The following ERGIC3 variants were observed in gnomAD, a reference collection of about 807,000 sequenced individuals.
ERGIC3 encodes ERGIC and golgi 3.
ERGIC3 carries 33 observed loss-of-function variants against 54.7 expected under a neutral mutation model. The observed-to-expected ratio is 0.60, with a 90% CI of 0.46 to 0.81. The LOEUF is 0.81. Among genes scored for constraint, ERGIC3 ranks in the 30% least tolerant of loss-of-function variants. The pLI is 0.00. For missense variants in ERGIC3, 399 were observed against 488.4 expected (o/e 0.82, Z 1.73); for synonymous variants, 186 against 189.8 (o/e 0.98, Z 0.16).
chr20:35,542,217 G>T, intron 1 of ERGIC3, 32 bp downstream of exon 1: 1 of 1,589,832 alleles, frequency 6.3e-7, no homozygotes, highest in Non-Finnish European at 8.6e-7. Context: ...GTCGCGTGGA[G>T]GGGGGCGTCC....
intron 7 of ERGIC3, among the ~76,000 whole-genome samples, chr20:35,553,020 A>AGTTTTTTTTTTTTT (rs2064689668): frequency 7.2e-5 from 3 of 41,552 alleles, no homozygotes; most frequent in Non-Finnish European, 8.7e-5. Context: ...AAAGCTGGGG[A>AGTTTTTTTTTTTTT]TTTTTTTTTT....
intron 7 of ERGIC3, among the ~76,000 whole-genome samples, chr20:35,551,281 G>A (rs2064680459): frequency 6.6e-6 from 1 of 151,128 alleles, no homozygotes; most frequent in Non-Finnish European, 1.5e-5. Context: ...GCGACAGAGT[G>A]AGATTCCATC....
At chr20:35,555,096 A>C in intron 8 of ERGIC3, 21 bp downstream of exon 8, 1 of 664,816 alleles carries the variant, frequency 1.5e-6, no homozygotes. Flanking sequence ...GATGGAAACC[A>C]TGGAGGGCAG....
chr20:35,547,536 C>T, intron 5 of ERGIC3, 31 bp downstream of exon 5: 1 of 1,588,216 alleles, frequency 6.3e-7, no homozygotes, highest in Non-Finnish European at 8.6e-7. Context: ...AGCAGGGTTC[C>T]CATCAGGCGC....
At chr20:35,554,275 T>TCA (rs758373919) in intron 7 of ERGIC3, 35 of 1,488,416 alleles carry the variant, frequency 2.4e-5, no homozygotes, top group Non-Finnish European at 3.0e-5. Context: ...TGAGGCTGAA[T>TCA]GTTCCAGTCT....
intron 4 of ERGIC3, chr20:35,544,834 GCT>G (rs2064639416): frequency 2.2e-5 from 1 of 44,490 alleles, no homozygotes; most frequent in Non-Finnish European, 3.8e-5. Context: ...TTTGAGTCAC[GCT>G]CTGTCACCCA....
At chr20:35,547,655 C>T (rs1601362444) in intron 5 of ERGIC3, 150 bp downstream of exon 5, 8 of 671,638 alleles carry the variant, frequency 1.2e-5, no homozygotes, top group South Asian at 5.3e-5. Context: ...CTGGTGCAAG[C>T]GACTGAGGCT....
intron 10 of ERGIC3, 180 bp from the exon 11 acceptor site, chr20:35,556,793 A>G: frequency 2.5e-6 from 2 of 786,218 alleles, no homozygotes; most frequent in Non-Finnish European, 4.1e-6. Flanking sequence ...GCTGAGGCCA[A>G]GACTAGGAGA....
chr20:35,543,098 C>G, intron 4 of ERGIC3, 157 bp downstream of exon 4: 1 of 1,007,940 alleles, frequency 9.9e-7, no homozygotes, highest in Non-Finnish European at 1.5e-6. Context: ...TAGTAAGAGT[C>G]AGAGTGAGCT....
intron 7 of ERGIC3, among the ~76,000 whole-genome samples, chr20:35,552,468 A>G (rs1252246710): frequency 2.6e-5 from 4 of 152,164 alleles, no homozygotes; most frequent in Non-Finnish European, 5.9e-5. Flanking sequence ...TTGCAATTGC[A>G]TGGGGTTTGG....
Position 35,545,307 on chromosome 20 carries a change from C to T in ERGIC3, c.368-2105C>T, listed in dbSNP as rs2064642668. The T allele has an allele frequency of 3.9e-5, 6 of 151,978 alleles. No homozygotes were observed. In the South Asian group the frequency reaches 1.2e-3, roughly 32 times the overall value. The allele number at this position is 151,978 out of a possible 1,614,324, so 9.4% of individuals were successfully genotyped here. On this transcript the variant is annotated intron_variant, in intron 4 of 12. Coordinates refer to ENST00000348547, the MANE Select transcript of ERGIC3 (RefSeq NM_015966.3). ...GCATGGTGGCTCACGCCTGTAGTCC[C>T]AGCACTTTTGGAGGCTGAGGCAGTT...
intron 4 of ERGIC3, chr20:35,544,036 ATC>A: frequency 4.6e-6 from 1 of 219,224 alleles, no homozygotes; most frequent in South Asian, 7.2e-5. Flanking sequence ...CTATCTATCT[ATC>A]TATCTATCTA....
intron 3 of ERGIC3, 60 bp downstream of exon 3, chr20:35,542,660 A>C (rs1013475214): frequency 6.2e-7 from 1 of 1,604,188 alleles, no homozygotes; most frequent in Non-Finnish European, 8.5e-7. Flanking sequence ...GGGCTGCCAG[A>C]TTCACACCTC....
Position 35,557,585 on chromosome 20 carries a change from G to T in ERGIC3, c.*81G>T, listed in dbSNP as rs1601370317. 2.5e-6 allele frequency: 3 copies of T among 1,195,222 alleles called. No individual in the cohort carries two copies. Among genetic ancestry groups the T allele is most frequent in the East Asian group, 2.3e-5 (1 of 42,918 alleles). 74.0% of individuals were successfully genotyped at this position (1,195,222 alleles called of 1,614,324 possible). A position where few individuals can be genotyped will look rare whatever the true frequency, so the allele number is the denominator to read the frequency against. On this transcript the variant is annotated 3_prime_UTR_variant, in exon 13 of 13. Transcript: ENST00000348547. The stretch of plus-strand genomic sequence containing the variant: ...AGCCTCTGCCACCCTCCACCTCCTC[G>T]GTCAGCCCCAGCCCCAGGTTGATAA...
At chr20:35,542,246 C>G (rs1269494502) in intron 1 of ERGIC3, 61 bp downstream of exon 1, 2 of 1,610,846 alleles carry the variant, frequency 1.2e-6, no homozygotes, top group East Asian at 2.2e-5. Context: ...AGCCCGGGCT[C>G]CTGGACTCTG....
rs146493836 is a variant in ERGIC3 at position 35,548,831 on chromosome 20, C to T, written c.651C>T (p.Ala217=). The change falls in exon 7 of 13, where the codon GCC becomes GCT. Residue 217 remains alanine (A), a synonymous_variant. Transcript: ENST00000348547. ...AGGTGGCCGGAAACTTCCACTTTGC[C>T]CCTGGGAAGAGCTTCCAGCAGTCCC... The part of the protein sequence containing the change: ...VNKVAGNFHF[A]PGKSFQQSHV... 6.2e-7 allele frequency: 1 copy of T among 1,614,076 alleles called. No individual in the cohort carries two copies. Among genetic ancestry groups the T allele is most frequent in the Non-Finnish European group, 8.5e-7 (1 of 1,180,038 alleles).
chr20:35,546,434 T>G (rs1282292003), intron 4 of ERGIC3, among the ~76,000 whole-genome samples: 2 of 151,210 alleles, frequency 1.3e-5, no homozygotes, highest in African/African-American at 2.4e-5. Context: ...TAGGAGGGGG[T>G]TTTGGGAGCC....
chr20:35,554,970 G>A, intron 7 of ERGIC3, 74 bp from the exon 8 acceptor site: 1 of 1,560,380 alleles, frequency 6.4e-7, no homozygotes, highest in African/African-American at 1.4e-5. Context: ...TTGCAGTCCA[G>A]GGGGAGGAAG....
chr20:35,543,394 C>T, intron 4 of ERGIC3: 1 of 340,970 alleles, frequency 2.9e-6, no homozygotes, highest in Non-Finnish European at 5.8e-6. Flanking sequence ...AGCTTTGTCT[C>T]CTGCAGTCTG....
Sources: gnomAD v4.1 joint callset for allele counts (sites outside exome capture counted in the v4.1 genomes callset) on GRCh38, gnomAD v4.1.1 for gene constraint, MANE v1.5 for transcripts, NCBI Gene and HGNC (gene_info 2026-07-23, HGNC 2026-07-21) for gene names.